Variants in CAMK1G observed in about 807,000 individuals in gnomAD.
CAMK1G encodes the protein calcium/calmodulin dependent protein kinase IG.
Under a neutral mutation model 54.8 loss-of-function variants are expected in CAMK1G, and 27 were observed. That is an observed-to-expected ratio of 0.49 (90% CI 0.36 to 0.68). The LOEUF (loss-of-function observed/expected upper bound fraction) is 0.68, where lower values mean the gene tolerates loss of function less well. Ranked by LOEUF, CAMK1G falls within the 30% of genes least tolerant of loss-of-function variation. The pLI, the probability that CAMK1G is intolerant of heterozygous loss-of-function variation, is 0.00. For missense variants in CAMK1G, 512 were observed against 591.0 expected (o/e 0.87, Z 1.39); for synonymous variants, 238 against 224.9 (o/e 1.06, Z -0.52).
chr1:209,592,344 C>CAAA (rs56012133), intron 1 of CAMK1G, among the ~76,000 whole-genome samples: 7,346 of 69,996 alleles, frequency 0.1, 588 homozygotes, highest in East Asian at 0.27. Flanking sequence ...GACTCTGTCT[C>CAAA]AAAAAAAAAA....
intron 3 of CAMK1G, among the ~76,000 whole-genome samples, chr1:209,601,950 G>C (rs1427612625): frequency 6.6e-6 from 1 of 152,184 alleles, no homozygotes; most frequent in Non-Finnish European, 1.5e-5. Flanking sequence ...ACCCAGGCCT[G>C]ACTGACTCTG....
intron 6 of CAMK1G, among the ~76,000 whole-genome samples, 159 bp downstream of exon 6, chr1:209,606,602 G>A (rs149738199): frequency 1.8e-4 from 27 of 152,170 alleles, no homozygotes; most frequent in Non-Finnish European, 2.8e-4. Flanking sequence ...CAATTCATCC[G>A]TCTCAGGATC....
chr1:209,600,031 G>A lies in CAMK1G; in HGVS notation c.141G>A (p.Lys47=), dbSNP rs1665487839. ...TGGTGAAGCAAAGACTGACTGGGAAGCTCTTTGCTCTGAAGTGCATCAAGA... is the reference window on the plus strand; with the variant it reads ...TGGTGAAGCAAAGACTGACTGGGAAACTCTTTGCTCTGAAGTGCATCAAGA... The part of the protein sequence containing the change: ...VFLVKQRLTG[K]LFALKCIKKS... The change falls in exon 3 of 13, where the codon AAG becomes AAA. Residue 47 remains lysine (K), a synonymous_variant. Coordinates refer to ENST00000361322, the MANE Select transcript of CAMK1G (RefSeq NM_020439.3). 1 of 1,613,842 alleles carries A rather than the reference G, an allele frequency of 6.2e-7. No homozygotes were observed. Among genetic ancestry groups the A allele is most frequent in the African/African-American group, 1.3e-5 (1 of 74,944 alleles).
chr1:209,597,204 C>T (rs374563639), intron 2 of CAMK1G, among the ~76,000 whole-genome samples: 4 of 152,198 alleles, frequency 2.6e-5, no homozygotes, highest in East Asian at 1.9e-4. Context: ...GTTGTCTGCT[C>T]GGGCAGGAAA....
Position 209,613,687 on chromosome 1 carries a change from AAAG to A in CAMK1G, c.*689_*691del, listed in dbSNP as rs768834756. On this transcript the variant is annotated 3_prime_UTR_variant, in exon 13 of 13. Coordinates refer to ENST00000361322, the MANE Select transcript of CAMK1G (RefSeq NM_020439.3). Reference sequence around the variant, plus strand: ...TGCCACACCCTCCAAAGTGGAATAGAAAGAAGTTCATGAGTAAGGGCTGCAAGG... The same window carrying A: ...TGCCACACCCTCCAAAGTGGAATAGAAAGTTCATGAGTAAGGGCTGCAAGG... 14 of 152,384 alleles carry A rather than the reference AAAG, an allele frequency of 9.2e-5. No individual in the cohort carries two copies. Among genetic ancestry groups the A allele is most frequent in the Non-Finnish European group, 4.4e-5 (3 of 68,088 alleles). The allele number at this position is 152,384 out of a possible 1,614,324, so 9.4% of individuals were successfully genotyped here.
At chr1:209,603,000 T>C (rs1665565777) in intron 3 of CAMK1G, among the ~76,000 whole-genome samples, 1 of 152,218 alleles carries the variant, frequency 6.6e-6, no homozygotes. Context: ...TGATCAATTA[T>C]TCATTCAGTA....
At position 209,611,821 on chromosome 1, in the gene CAMK1G, C is replaced by A; in HGVS notation, c.945C>A (p.His315Gln). 6.2e-7 allele frequency: 1 copy of A among 1,614,120 alleles called. No homozygotes were observed. Among genetic ancestry groups the A allele is most frequent in the Admixed American group, 1.7e-5 (1 of 60,032 alleles). The change falls in exon 11 of 13, where the codon CAC becomes CAA. Residue 315 changes from histidine (H) to glutamine (Q), a missense_variant. This residue lies in a region of CAMK1G where 315 missense variants were observed against 330.5 expected (regional missense o/e 0.95). Transcript: ENST00000361322. ...CCTTCAACGCAGCAGCTGTGGTGCA[C>A]CACATGAGGAAGCTACACATGAACC... ...RQAFNAAAVVHHMRKLHMNLH... is the reference protein window; with the variant it reads ...RQAFNAAAVVQHMRKLHMNLH...
chr1:209,608,020 C>T, intron 7 of CAMK1G, 87 bp downstream of exon 7: 2 of 1,007,642 alleles, frequency 2.0e-6, no homozygotes, highest in Non-Finnish European at 1.5e-6. Flanking sequence ...CTCAGCTCCT[C>T]CTCCAAGCAC....
In CAMK1G at chr1:209,611,979, C is replaced by G. The variant is rs763711352; in HGVS notation, c.1103C>G (p.Pro368Arg). ...APVLDHSVAL[P>R]ALTQLPCQHG... ...GTCCTGGACCACAGTGTAGCACTCC[C>G]TGCCCTGACCCAATTACCCTGCCAG... Residue 368 changes from proline (P) to arginine (R), a missense_variant, in exon 11 of 13, where the codon CCT (proline) becomes CGT (arginine). By Grantham distance (103) the Pro-to-Arg change is moderately radical (BLOSUM62 -2). This residue lies in a region of CAMK1G where 315 missense variants were observed against 330.5 expected (regional missense o/e 0.95). Transcript: ENST00000361322. 1.2e-6 allele frequency: 2 copies of G among 1,614,266 alleles called. No homozygotes were observed. The highest frequency in any genetic ancestry group is 1.7e-6 in the Non-Finnish European group (2 of 1,180,044).
chr1:209,611,983 C>G lies in CAMK1G; in HGVS notation c.1107C>G (p.Ala369=). 2 of 1,614,260 alleles carry G rather than the reference C, an allele frequency of 1.2e-6. No individual in the cohort carries two copies. Among genetic ancestry groups the G allele is most frequent in the South Asian group, 1.1e-5 (1 of 91,082 alleles). The change falls in exon 11 of 13, where the codon GCC becomes GCG. Residue 369 remains alanine (A), a synonymous_variant. Coordinates refer to ENST00000361322, the MANE Select transcript of CAMK1G (RefSeq NM_020439.3). ...TGGACCACAGTGTAGCACTCCCTGCCCTGACCCAATTACCCTGCCAGCATG... is the reference window on the plus strand; with the variant it reads ...TGGACCACAGTGTAGCACTCCCTGCGCTGACCCAATTACCCTGCCAGCATG... ...PVLDHSVALP[A]LTQLPCQHGR...
Position 209,609,107 on chromosome 1 carries a change from C to G in CAMK1G, c.748+15C>G, listed in dbSNP as rs746018496. 2 of 1,613,822 alleles carry G rather than the reference C, an allele frequency of 1.2e-6. No individual in the cohort carries two copies. Among genetic ancestry groups the G allele is most frequent in the African/African-American group, 2.7e-5 (2 of 74,888 alleles). On this transcript the variant is annotated intron_variant, in intron 8 of 12. Transcript: ENST00000361322. ...TTCTGAGTCAGGTAAGGCCAGTAGG[C>G]ATGAAGGAGAGATAACAGGCTCAAG...
intron 4 of CAMK1G, among the ~76,000 whole-genome samples, chr1:209,603,609 C>T (rs1263130158): frequency 1.3e-5 from 2 of 152,162 alleles, no homozygotes; most frequent in East Asian, 1.9e-4. Flanking sequence ...TGCTGCCCCA[C>T]CCCTCCTCGC....
chr1:209,593,871 A>G (rs761584772), intron 1 of CAMK1G, among the ~76,000 whole-genome samples: 9 of 151,976 alleles, frequency 5.9e-5, no homozygotes, highest in African/African-American at 1.9e-4. Context: ...AGAAAATCCA[A>G]TGTCTTAAAC....
intron 4 of CAMK1G, among the ~76,000 whole-genome samples, chr1:209,604,896 T>C (rs992494953): frequency 2.6e-5 from 4 of 152,180 alleles, no homozygotes; most frequent in African/African-American, 4.8e-5. Context: ...AAGAGTGTTC[T>C]CTGACACTTA....
In CAMK1G at chr1:209,612,014, C is replaced by T. The variant is rs748406333; in HGVS notation, c.1138C>T (p.Arg380Trp). The change falls in exon 11 of 13, where the codon CGG becomes TGG. Residue 380 changes from arginine to tryptophan, a missense_variant. Transcript: ENST00000361322. ...CCAATTACCCTGCCAGCATGGCCGC[C>T]GGCCCACTGCCCCTGGTGGCAGGTC... ...LTQLPCQHGR[R>W]PTAPGGRSLN... 3.7e-5 allele frequency: 60 copies of T among 1,614,144 alleles called. No individual in the cohort carries two copies. In the East Asian group the frequency reaches 6.2e-4, roughly 17 times the overall value.
At chr1:209,592,822 G>A (rs1665291082) in intron 1 of CAMK1G, among the ~76,000 whole-genome samples, 1 of 152,046 alleles carries the variant, frequency 6.6e-6, no homozygotes, top group Non-Finnish European at 1.5e-5. Flanking sequence ...TTATTCCCAG[G>A]GGTCTAAGTC....
chr1:209,610,357 A>G (rs897038068), intron 9 of CAMK1G, among the ~76,000 whole-genome samples: 1 of 152,186 alleles, frequency 6.6e-6, no homozygotes, highest in African/African-American at 2.4e-5. Flanking sequence ...GGAAAAAGAA[A>G]ATCTTAAAAT....
At chr1:209,583,838 A>G (rs945054751) in intron 1 of CAMK1G, 66 bp downstream of exon 1, 4 of 152,124 alleles carry the variant, frequency 2.6e-5, no homozygotes, top group Non-Finnish European at 5.9e-5. Context: ...AGCGTGCAGC[A>G]CCTAGTGAGT....
intron 2 of CAMK1G, 65 bp downstream of exon 2, chr1:209,595,140 T>C (rs1288431288): frequency 1.7e-5 from 19 of 1,138,272 alleles, no homozygotes; most frequent in Non-Finnish European, 2.5e-5. Flanking sequence ...AGAAGAGTTG[T>C]TCTCTGCTGG....
Sources: gnomAD v4.1 joint callset for allele counts (sites outside exome capture counted in the v4.1 genomes callset) on GRCh38, gnomAD v4.1.1 for gene constraint, gnomAD v4.1.1 regional missense constraint, MANE v1.5 for transcripts, NCBI Gene and HGNC (gene_info 2026-07-23, HGNC 2026-07-21) for gene names.